Variants in ZCCHC7 observed in about 807,000 individuals in gnomAD.
ZCCHC7 encodes the protein zinc finger CCHC-type containing 7.
In ZCCHC7, 35 loss-of-function variants were observed where a neutral mutation model predicts 52.0. The ratio of observed to expected loss-of-function variants is 0.67; its 90% confidence interval spans 0.51 to 0.89. ZCCHC7 has a LOEUF of 0.89. Among genes scored for constraint, ZCCHC7 ranks in the 40% least tolerant of loss-of-function variants. The probability of loss-of-function intolerance (pLI) is 0.00; values close to 1 mark genes in which losing one functional copy is unlikely to be tolerated. For missense variants in ZCCHC7, 574 were observed against 649.1 expected, an observed-to-expected ratio of 0.88 and a Z score of 1.26; for synonymous variants, 217 against 221.5, an observed-to-expected ratio of 0.98 and a Z score of 0.18.
chr9:37,190,958 G>T (rs1364503732), intron 2 of ZCCHC7, among the ~76,000 whole-genome samples: 2 of 151,504 alleles, frequency 1.3e-5, no homozygotes, highest in Non-Finnish European at 2.9e-5. Context: ...GGAGGCGGAG[G>T]TTGCGGTGAG....
At chr9:37,239,691 G>T (rs962439802) in intron 2 of ZCCHC7, among the ~76,000 whole-genome samples, 2 of 152,062 alleles carry the variant, frequency 1.3e-5, no homozygotes, top group Admixed American at 1.3e-4. Flanking sequence ...TTCATCACAG[G>T]ATAGTTAGAA....
chr9:37,194,008 A>C (rs1186320476), intron 2 of ZCCHC7, among the ~76,000 whole-genome samples: 1 of 152,078 alleles, frequency 6.6e-6, no homozygotes, highest in Non-Finnish European at 1.5e-5. Flanking sequence ...TTCACACTCA[A>C]ACTCAGACAT....
chr9:37,194,506 AGT>A (rs1442309203), intron 2 of ZCCHC7, among the ~76,000 whole-genome samples: 1 of 152,090 alleles, frequency 6.6e-6, no homozygotes, highest in Non-Finnish European at 1.5e-5. Flanking sequence ...GATAATAGAG[AGT>A]GTGTGGGGTT....
rs1824598962 is a variant in ZCCHC7 at position 37,217,959 on chromosome 9, A to G, written c.611-84229A>G. On this transcript the variant is annotated intron_variant, in intron 2 of 8. Transcript: ENST00000336755. ...TATCAGTAGTTATTCCTCTGGATAT[A>G]TACTTTGGAAATTCTATTTTAAAGC... 3.3e-5 allele frequency among the ~76,000 whole-genome samples: 5 copies of G among 152,214 alleles called. No individual in the cohort carries two copies. In the South Asian group the frequency reaches 1.0e-3, roughly 31 times the overall value.
intron 2 of ZCCHC7, among the ~76,000 whole-genome samples, chr9:37,219,394 C>A (rs968188163): frequency 6.6e-6 from 1 of 152,216 alleles, no homozygotes; most frequent in African/African-American, 2.4e-5. Flanking sequence ...GCACTAGGTA[C>A]TCGCTCACTA....
chr9:37,348,690 A>G (rs923823133), intron 6 of ZCCHC7, among the ~76,000 whole-genome samples: 2 of 151,980 alleles, frequency 1.3e-5, no homozygotes, highest in African/African-American at 4.8e-5. Context: ...AACTACAACT[A>G]TCCTAACTTC....
intron 2 of ZCCHC7, among the ~76,000 whole-genome samples, chr9:37,242,024 AT>A (rs34802947): frequency 0.011 from 1,712 of 151,742 alleles, 35 homozygotes; most frequent in African/African-American, 0.037. Flanking sequence ...ATTTTCTCAG[AT>A]TTTCCATTAG....
rs556662613 is a variant in ZCCHC7 at position 37,349,020 on chromosome 9, A to C, written c.988-337A>C. The stretch of plus-strand genomic sequence containing the variant: ...ACTCCATTAATGCCTTGTACATACT[A>C]CTGTCACTGTATTGACATTGTTTTG... On this transcript the variant is annotated intron_variant, in intron 6 of 8. Coordinates refer to ENST00000336755, the MANE Select transcript of ZCCHC7 (RefSeq NM_032226.3). 4.6e-5 allele frequency among the ~76,000 whole-genome samples: 7 copies of C among 152,266 alleles called. No homozygotes were observed. In the East Asian group the frequency reaches 1.2e-3, roughly 25 times the overall value.
At chr9:37,217,747 G>A (rs1419101419) in intron 2 of ZCCHC7, among the ~76,000 whole-genome samples, 1 of 152,094 alleles carries the variant, frequency 6.6e-6, no homozygotes, top group African/African-American at 2.4e-5. Flanking sequence ...GTGAGGATGA[G>A]TTTATTCTAA....
At chr9:37,200,830 C>G (rs1823592421) in intron 2 of ZCCHC7, among the ~76,000 whole-genome samples, 1 of 152,210 alleles carries the variant, frequency 6.6e-6, no homozygotes, top group African/African-American at 2.4e-5. Context: ...TCTTCCCTTC[C>G]CCTGTGACTC....
At chr9:37,168,772 A>C (rs1170093422) in intron 2 of ZCCHC7, among the ~76,000 whole-genome samples, 1 of 152,078 alleles carries the variant, frequency 6.6e-6, no homozygotes, top group East Asian at 1.9e-4. Context: ...AGGAGTAGAA[A>C]ATTAGCATCT....
chr9:37,202,744 A>G (rs1158184652), intron 2 of ZCCHC7, among the ~76,000 whole-genome samples: 1 of 152,234 alleles, frequency 6.6e-6, no homozygotes, highest in Non-Finnish European at 1.5e-5. Context: ...GGCCTTCCAC[A>G]GTGCTGGGAT....
chr9:37,130,334 CTTTTTT>C (rs34589957), intron 2 of ZCCHC7, among the ~76,000 whole-genome samples: 22 of 63,132 alleles, frequency 3.5e-4, no homozygotes, highest in Non-Finnish European at 5.8e-4. Context: ...GAATTCTCTC[CTTTTTT>C]TTTTTTTTTT....
intron 2 of ZCCHC7, among the ~76,000 whole-genome samples, chr9:37,218,571 G>T (rs1824637028): frequency 1.3e-5 from 2 of 152,272 alleles, no homozygotes; most frequent in South Asian, 4.1e-4. Context: ...TGCTTTGGGA[G>T]GCCAAGGCTG....
intron 2 of ZCCHC7, among the ~76,000 whole-genome samples, chr9:37,228,058 A>C (rs1415591952): frequency 6.6e-6 from 1 of 152,130 alleles, no homozygotes; most frequent in African/African-American, 2.4e-5. Context: ...CGGACTCTCA[A>C]AGTGCTGGGA....
chr9:37,203,463 T>C (rs1351019232), intron 2 of ZCCHC7, among the ~76,000 whole-genome samples: 2 of 152,196 alleles, frequency 1.3e-5, no homozygotes, highest in East Asian at 3.9e-4. Context: ...ATGCTCTCTC[T>C]CCCCTTGCCC....
chr9:37,304,657 G>GA (rs200820613), intron 4 of ZCCHC7, among the ~76,000 whole-genome samples: 31,989 of 139,810 alleles, frequency 0.23, 4,556 homozygotes, highest in African/African-American at 0.42. Context: ...CTCTGTCTCA[G>GA]AAAAAAAAAA....
At chr9:37,161,617 A>G (rs151299687) in intron 2 of ZCCHC7, among the ~76,000 whole-genome samples, 237 of 152,192 alleles carry the variant, frequency 1.6e-3, no homozygotes, top group African/African-American at 5.4e-3. Context: ...ATTATAAATC[A>G]CTGCTTCAAG....
intron 2 of ZCCHC7, among the ~76,000 whole-genome samples, chr9:37,279,458 A>C (rs553533092): frequency 2.0e-5 from 3 of 152,218 alleles, no homozygotes; most frequent in South Asian, 2.1e-4. Context: ...AAAATGCAAT[A>C]GAGAAATTAT....
Sources: gnomAD v4.1 joint callset for allele counts (sites outside exome capture counted in the v4.1 genomes callset) on GRCh38, gnomAD v4.1.1 for gene constraint, MANE v1.5 for transcripts, NCBI Gene and HGNC (gene_info 2026-07-23, HGNC 2026-07-21) for gene names.